The following MELTF variants were observed in gnomAD, a reference collection of about 807,000 sequenced individuals.
MELTF encodes the protein melanotransferrin.
In MELTF, 67 loss-of-function variants were observed where a neutral mutation model predicts 83.7. The observed-to-expected ratio is 0.80, with a 90% confidence interval of 0.66 to 0.98. MELTF has a LOEUF of 0.98. Among genes scored for constraint, MELTF ranks in the 50% least tolerant of loss-of-function variants. The pLI, the probability that MELTF is intolerant of heterozygous loss-of-function variation, is 0.00. For synonymous variants in MELTF, 462 were observed against 447.6 expected, an observed-to-expected ratio of 1.03 and a Z score of -0.41; for missense variants, 1,002 against 1,035.6, an observed-to-expected ratio of 0.97 and a Z score of 0.44.
rs745653074 is a variant in MELTF, at chr3:197,015,429, C to T, written c.1169G>A (p.Arg390Gln). 3.8e-5 allele frequency: 61 copies of T among 1,599,066 alleles called. 1 individual carries two copies. Among genetic ancestry groups the T allele is most frequent in the Admixed American group, 3.3e-4 (19 of 58,002 alleles). ...CACGCACTGGATCTCTGGCTTGAGCCGCTGCCGGCGGAAGGCCACGGCCAT... is the reference window on the plus strand; with the variant it reads ...CACGCACTGGATCTCTGGCTTGAGCTGCTGCCGGCGGAAGGCCACGGCCAT... ...GDMAVAFRRQ[R>Q]LKPEIQCVSA... Residue 390 changes from arginine to glutamine, a missense_variant, in exon 9 of 16, where the codon CGG (arginine) becomes CAG (glutamine). By Grantham distance (43) the Arg-to-Gln change is conservative. Transcript: ENST00000296350.
chr3:197,026,778 CA>C lies in MELTF; in HGVS notation c.205-20del. ...CCTGGGCCTGCAAGGAAATGTGGCT[CA>C]GCCAAGCCTGGCCCAGCTGGCCTGC... On this transcript the variant is annotated intron_variant, in intron 2 of 15. Coordinates refer to ENST00000296350, the MANE Select transcript of MELTF (RefSeq NM_005929.6). 6.2e-7 allele frequency: 1 copy of C among 1,607,210 alleles called. No homozygotes were observed. Among genetic ancestry groups the C allele is most frequent in the Non-Finnish European group, 8.5e-7 (1 of 1,177,816 alleles).
At position 197,011,190 on chromosome 3, in the gene MELTF, G is replaced by A. The variant is rs117417475; in HGVS notation, c.1234-396C>T. On this transcript the variant is annotated intron_variant, in intron 9 of 15. Coordinates refer to ENST00000296350, the MANE Select transcript of MELTF (RefSeq NM_005929.6). This position sits in a 1 kb window ranked among gnomAD's most constrained non-coding sequence, Gnocchi z 4.2. ...GCACCTGGCCAAGGGCCAGCACAGCGTGTGCTGCAATGCCTGTCTGTTAAA... is the reference window on the plus strand; with the variant it reads ...GCACCTGGCCAAGGGCCAGCACAGCATGTGCTGCAATGCCTGTCTGTTAAA... Among the ~76,000 whole-genome samples, 4,953 of 152,324 alleles carry A rather than the reference G, an allele frequency of 0.033. 152 individuals carry two copies. Among genetic ancestry groups the A allele is most frequent in the East Asian group, 0.076 (396 of 5,182 alleles).
Position 197,009,605 on chromosome 3 carries a change from A to G in MELTF, c.1525+13T>C. On this transcript the variant is annotated intron_variant, in intron 11 of 15. Coordinates refer to ENST00000296350, the MANE Select transcript of MELTF (RefSeq NM_005929.6). ...GGCTTCCCCAGTCTGCGTTCCTAAA[A>G]AGGGGGGGGTACCTGTGAGGACGTC... is the stretch of plus-strand genomic sequence containing the variant. The G allele has an allele frequency of 6.3e-7, 1 of 1,594,780 alleles. No individual in the cohort carries two copies. Among genetic ancestry groups the G allele is most frequent in the South Asian group, 1.1e-5 (1 of 90,698 alleles).
rs1178146383 is a variant in MELTF at position 197,003,456 on chromosome 3, G to T, written c.2138-5C>A. On this transcript the variant is annotated splice_region_variant and splice_polypyrimidine_tract_variant and intron_variant, in intron 15 of 15. Transcript: ENST00000296350. This position sits in a 1 kb window ranked among gnomAD's most constrained non-coding sequence, Gnocchi z 6.2. ...GCGCCCCGGGCGCCGGGGCCGCTGG[G>T]GACGAACGCGGCGGGTCAGGCCCCG... 9.1e-7 allele frequency: 1 copy of T among 1,097,178 alleles called. No individual in the cohort carries two copies. The highest frequency in any genetic ancestry group is 5.3e-5 in the Admixed American group (1 of 18,868). The allele number at this position is 1,097,178 out of a possible 1,614,324, so 68.0% of individuals were successfully genotyped here.
intron 3 of MELTF, 141 bp downstream of exon 3, chr3:197,026,519 T>C (rs1719860744): frequency 1.4e-6 from 1 of 699,106 alleles, no homozygotes; most frequent in South Asian, 1.6e-5. Flanking sequence ...GAGAGAGCCT[T>C]AGGGCGTTCT....
intron 6 of MELTF, among the ~76,000 whole-genome samples, chr3:197,021,135 T>A (rs771910064): frequency 2.0e-5 from 3 of 152,210 alleles, no homozygotes; most frequent in Non-Finnish European, 4.4e-5. Flanking sequence ...CAATGCCATA[T>A]TCAAATCAAA....
rs1719119088 is a variant in MELTF, at chr3:197,009,743, A to G, written c.1400T>C (p.Leu467Ser). 2 of 1,613,562 alleles carry G rather than the reference A, an allele frequency of 1.2e-6. No individual in the cohort carries two copies. Among genetic ancestry groups the G allele is most frequent in the South Asian group, 1.1e-5 (1 of 91,082 alleles). Residue 467 changes from leucine (L) to serine (S), a missense_variant, in exon 11 of 16, where the codon TTG becomes TCG. Leu to Ser is a moderately radical substitution (Grantham distance 145). Coordinates refer to ENST00000296350, the MANE Select transcript of MELTF (RefSeq NM_005929.6). ...VRRDSSHAFT[L>S]DELRGKRSCH... The stretch of plus-strand genomic sequence containing the variant: ...GGAGCGCTTGCCCCGAAGCTCATCC[A>G]AGGTGAAGGCGTGGGAGCTGTCCCG...
At chr3:197,025,114 C>T (rs1286532307) in intron 3 of MELTF, among the ~76,000 whole-genome samples, 1 of 152,246 alleles carries the variant, frequency 6.6e-6, no homozygotes, top group Non-Finnish European at 1.5e-5. Context: ...TTCCCCTGTG[C>T]CAAGGTGGCT....
Position 197,029,689 on chromosome 3 carries a change from C to T in MELTF, c.14G>A (p.Ser5Asn). The T allele has an allele frequency of 8.0e-7, 1 of 1,244,522 alleles. No individual in the cohort carries two copies. The highest frequency in any genetic ancestry group is 4.0e-5 in the Admixed American group (1 of 24,744). 77.1% of individuals were successfully genotyped at this position (1,244,522 alleles called of 1,614,324 possible). A position where few individuals can be genotyped will look rare whatever the true frequency, so the allele number is the denominator to read the frequency against. Residue 5 changes from serine (S) to asparagine (N), a missense_variant, in exon 1 of 16, where the codon AGC (serine) becomes AAC (asparagine). Ser to Asn is a conservative substitution (Grantham distance 46). Coordinates refer to ENST00000296350, the MANE Select transcript of MELTF (RefSeq NM_005929.6). This position sits in a 1 kb window ranked among gnomAD's most constrained non-coding sequence, Gnocchi z 6.5. Reference sequence around the variant, plus strand: ...AGCCAGGAGCAGCCACAGAGCCCCGCTCGGACCCCGCATGGCGCCGTCGGG... The same window carrying T: ...AGCCAGGAGCAGCCACAGAGCCCCGTTCGGACCCCGCATGGCGCCGTCGGG... The part of the protein sequence containing the change: MRGP[S>N]GALWLLLALR...
rs1719415500 is a variant in MELTF at position 197,017,241 on chromosome 3, C to T, written c.762G>A (p.Glu254=). The stretch of plus-strand genomic sequence containing the variant: ...CCCGGCTACCATCCCGGCACAGCAG[C>T]TCGAAGTCCTGTGACAGCAGGGCCT... ...WGQALLSQDF[E]LLCRDGSRAD... The change falls in exon 7 of 16, where the codon GAG becomes GAA. Residue 254 remains glutamate (E), a synonymous_variant. Transcript: ENST00000296350. The T allele has an allele frequency of 1.3e-6, 2 of 1,587,246 alleles. No individual in the cohort carries two copies. Among genetic ancestry groups the T allele is most frequent in the Admixed American group, 3.7e-5 (2 of 54,764 alleles).
chr3:197,016,076 C>T lies in MELTF; in HGVS notation c.1081+113G>A, dbSNP rs537493159. ...GCAGAGGAATGGAAATGACAGGTTC[C>T]CGCAGAGGCCTCCCTGGTGAGCGTC... On this transcript the variant is annotated intron_variant, in intron 8 of 15. Transcript: ENST00000296350. 1.0e-4 allele frequency: 96 copies of T among 927,820 alleles called. No homozygotes were observed. In the African/African-American group the frequency reaches 1.4e-3, roughly 14 times the overall value. 57.5% of individuals were successfully genotyped at this position (927,820 alleles called of 1,614,324 possible).
chr3:197,017,547 CT>C (rs1371274978), intron 6 of MELTF, among the ~76,000 whole-genome samples: 31 of 152,330 alleles, frequency 2.0e-4, no homozygotes, highest in Admixed American at 1.8e-3. Flanking sequence ...TAATACAATA[CT>C]TATAAATAAC....
chr3:197,010,607 C>T, intron 10 of MELTF, 91 bp downstream of exon 10: 1 of 1,115,704 alleles, frequency 9.0e-7, no homozygotes, highest in Non-Finnish European at 1.3e-6. Context: ...AGGCATGGAG[C>T]TTTTGAAAAT....
Position 197,011,581 on chromosome 3 carries a change from A to G in MELTF, c.1234-787T>C, listed in dbSNP as rs1374625420. ...GAGGCATGAAGTGATGGCGGTTAAT[A>G]ACAGGCAGCGGCGTTGATATTTGGG... On this transcript the variant is annotated intron_variant, in intron 9 of 15. Transcript: ENST00000296350. The surrounding 1 kb of genome is among the most constrained non-coding windows in gnomAD (Gnocchi z 4.2). Among the ~76,000 whole-genome samples the G allele has an allele frequency of 6.6e-6, 1 of 152,140 alleles. No individual in the cohort carries two copies. Among genetic ancestry groups the G allele is most frequent in the African/African-American group, 2.4e-5 (1 of 41,440 alleles).
intron 4 of MELTF, 68 bp from the exon 5 acceptor site, chr3:197,023,181 C>A: frequency 6.6e-7 from 1 of 1,508,070 alleles, no homozygotes; most frequent in South Asian, 1.1e-5. Flanking sequence ...CCCCCAGGGT[C>A]AGCAGGGGGC....
intron 4 of MELTF, among the ~76,000 whole-genome samples, 196 bp from the exon 5 acceptor site, chr3:197,023,309 A>G (rs981018396): frequency 6.6e-6 from 1 of 152,242 alleles, no homozygotes; most frequent in African/African-American, 2.4e-5. Context: ...GGCAGCAGAC[A>G]GCACTGGGAG....
At chr3:197,019,584 C>T in intron 6 of MELTF, 1 of 1,585,034 alleles carries the variant, frequency 6.3e-7, no homozygotes, top group Non-Finnish European at 8.6e-7. Context: ...AAAAAAACCC[C>T]AAGTTTGAAA....
intron 9 of MELTF, among the ~76,000 whole-genome samples, chr3:197,013,743 A>G (rs1458653750): frequency 6.6e-6 from 1 of 152,246 alleles, no homozygotes; most frequent in Non-Finnish European, 1.5e-5. Flanking sequence ...GAAGACATAC[A>G]AAATGCCAGC....
chr3:197,020,150 T>C (rs902235536), intron 6 of MELTF, among the ~76,000 whole-genome samples: 1 of 152,164 alleles, frequency 6.6e-6, no homozygotes, highest in Non-Finnish European at 1.5e-5. Flanking sequence ...TTCTATAAAA[T>C]AACCGGCCTG....
Sources: allele counts gnomAD v4.1 joint callset (sites outside exome capture counted in the v4.1 genomes callset), GRCh38; gene constraint gnomAD v4.1.1; non-coding constraint Gnocchi (gnomAD v3.1); transcripts MANE v1.5; gene names NCBI Gene and HGNC (gene_info 2026-07-23, HGNC 2026-07-21).